TTC28: variants seen among roughly 807,000 people sequenced by gnomAD.
TTC28 encodes tetratricopeptide repeat protein 28.
Under a neutral mutation model 198.0 loss-of-function variants are expected in TTC28, and 61 were observed. The observed-to-expected ratio is 0.31, with a 90% CI of 0.25 to 0.38. TTC28 has a LOEUF of 0.38. Among genes scored for constraint, TTC28 ranks in the 10% least tolerant of loss-of-function variants. The probability of loss-of-function intolerance (pLI) is 1.00; values close to 1 mark genes in which losing one functional copy is unlikely to be tolerated. For missense variants in TTC28, 2,678 were observed against 3,164.0 expected, an observed-to-expected ratio of 0.85 and a Z score of 3.69; for synonymous variants, 1,171 against 1,297.8, an observed-to-expected ratio of 0.90 and a Z score of 2.10.
chr22:28,260,982 C>T (rs997425510), intron 5 of TTC28, among the ~76,000 whole-genome samples: 1 of 152,168 alleles, frequency 6.6e-6, no homozygotes, highest in Non-Finnish European at 1.5e-5. Flanking sequence ...CATAATAAGA[C>T]TCCAATTTTC....
At chr22:28,515,868 G>A (rs1420466484) in intron 2 of TTC28, among the ~76,000 whole-genome samples, 2 of 152,020 alleles carry the variant, frequency 1.3e-5, no homozygotes, top group African/African-American at 2.4e-5. Flanking sequence ...GAGTTCAGCC[G>A]GGTGCGGTAG....
At chr22:28,406,924 TA>T (rs1170261367) in intron 2 of TTC28, among the ~76,000 whole-genome samples, 1 of 152,234 alleles carries the variant, frequency 6.6e-6, no homozygotes, top group Non-Finnish European at 1.5e-5. Context: ...CAAAAAACTT[TA>T]CTGGACCAAT....
intron 2 of TTC28, among the ~76,000 whole-genome samples, chr22:28,404,439 A>T (rs2146112515): frequency 6.6e-6 from 1 of 152,250 alleles, no homozygotes; most frequent in East Asian, 1.9e-4. Flanking sequence ...TTTTTAAGAT[A>T]TACACACAAA....
intron 5 of TTC28, among the ~76,000 whole-genome samples, chr22:28,255,317 G>A (rs1199734125): frequency 6.6e-6 from 1 of 152,100 alleles, no homozygotes; most frequent in East Asian, 1.9e-4. Flanking sequence ...TGCCTTCTGG[G>A]CACCTAAGAT....
chr22:28,298,789 G>A (rs545504490), intron 3 of TTC28, among the ~76,000 whole-genome samples: 1 of 152,022 alleles, frequency 6.6e-6, no homozygotes, highest in Non-Finnish European at 1.5e-5. Context: ...AATAAACCCT[G>A]TCCATATTTT....
Position 27,990,154 on chromosome 22 carries a change from G to A in TTC28, c.5578-147C>T, listed in dbSNP as rs1030729575. 9 of 1,106,604 alleles carry A rather than the reference G, an allele frequency of 8.1e-6. No individual in the cohort carries two copies. The African/African-American group carries it at 1.4e-4, about 17-fold the overall frequency. 68.5% of individuals were successfully genotyped at this position (1,106,604 alleles called of 1,614,324 possible). A position where few individuals can be genotyped will look rare whatever the true frequency, so the allele number is the denominator to read the frequency against. On this transcript the variant is annotated intron_variant, in intron 20 of 22. Transcript: ENST00000397906. ...TAGCATTTGAGATTCTTTTTCAGGT[G>A]CATTCATACCTACTGTCCTGCTGTC...
intron 2 of TTC28, among the ~76,000 whole-genome samples, chr22:28,440,201 T>G (rs1012053447): frequency 2.0e-5 from 3 of 152,150 alleles, no homozygotes; most frequent in Admixed American, 2.0e-4. Context: ...TTGTGAATCT[T>G]GCTTTTTAGG....
chr22:28,422,684 A>G (rs1056996758), intron 2 of TTC28, among the ~76,000 whole-genome samples: 1 of 151,830 alleles, frequency 6.6e-6, no homozygotes, highest in African/African-American at 2.4e-5. Context: ...CGACCTCACG[A>G]TTCACCCACC....
At chr22:28,503,148 C>T (rs949179642) in intron 2 of TTC28, among the ~76,000 whole-genome samples, 1 of 152,056 alleles carries the variant, frequency 6.6e-6, no homozygotes, top group African/African-American at 2.4e-5. Flanking sequence ...AACAATATGC[C>T]TTTCCCCTCA....
chr22:28,047,592 G>A (rs1290246331), intron 12 of TTC28, among the ~76,000 whole-genome samples: 2 of 152,130 alleles, frequency 1.3e-5, no homozygotes, highest in South Asian at 2.1e-4. Flanking sequence ...CCCAAAGTTC[G>A]CAAAGCCATG....
At chr22:28,109,161 T>C (rs1277891199) in intron 6 of TTC28, among the ~76,000 whole-genome samples, 1 of 152,208 alleles carries the variant, frequency 6.6e-6, no homozygotes, top group African/African-American at 2.4e-5. Flanking sequence ...CAACCTTCAA[T>C]GTGGCACCAT....
chr22:28,125,500 C>T (rs1041689452), intron 6 of TTC28, among the ~76,000 whole-genome samples: 1 of 152,202 alleles, frequency 6.6e-6, no homozygotes, highest in Non-Finnish European at 1.5e-5. Context: ...CAATATGCAA[C>T]ACCCCCAGCC....
chr22:28,176,089 T>C (rs564273733), intron 5 of TTC28, among the ~76,000 whole-genome samples: 3 of 152,314 alleles, frequency 2.0e-5, no homozygotes, highest in Admixed American at 6.5e-5. Flanking sequence ...AAAATCAGTA[T>C]GTCAAGGAGA....
At chr22:28,388,713 G>A (rs2046660591) in intron 2 of TTC28, among the ~76,000 whole-genome samples, 1 of 152,172 alleles carries the variant, frequency 6.6e-6, no homozygotes, top group Non-Finnish European at 1.5e-5. Context: ...ATTTGCTCAA[G>A]TTGCTTATCA....
intron 6 of TTC28, among the ~76,000 whole-genome samples, chr22:28,145,012 G>A (rs548428812): frequency 5.3e-4 from 81 of 152,310 alleles, no homozygotes; most frequent in Admixed American, 1.1e-3. Flanking sequence ...AATAAGTTGA[G>A]CCCAAGGTCA....
intron 18 of TTC28, 160 bp from the exon 19 acceptor site, chr22:27,992,823 G>C: frequency 1.4e-6 from 1 of 707,620 alleles, no homozygotes; most frequent in Non-Finnish European, 2.3e-6. Flanking sequence ...CTTGGAAAAG[G>C]ACAGCGTGGT....
intron 14 of TTC28, among the ~76,000 whole-genome samples, chr22:28,012,321 C>G (rs976258708): frequency 6.6e-6 from 1 of 152,124 alleles, no homozygotes; most frequent in Non-Finnish European, 1.5e-5. Flanking sequence ...AAGGGAAGGA[C>G]AACCGAGCAC....
At chr22:28,610,178 G>T (rs183324727) in intron 2 of TTC28, among the ~76,000 whole-genome samples, 1 of 152,092 alleles carries the variant, frequency 6.6e-6, no homozygotes, top group Non-Finnish European at 1.5e-5. Context: ...AGACTTAAAC[G>T]TCCCTGCCTG....
chr22:28,338,682 A>G (rs180975010), intron 2 of TTC28, among the ~76,000 whole-genome samples: 168 of 152,236 alleles, frequency 1.1e-3, no homozygotes, highest in South Asian at 2.5e-3. Flanking sequence ...CGTGGTTTTC[A>G]GCTCCATCAG....
Sources: gnomAD v4.1 joint callset for allele counts (sites outside exome capture counted in the v4.1 genomes callset) on GRCh38, gnomAD v4.1.1 for gene constraint, MANE v1.5 for transcripts, NCBI Gene and HGNC (gene_info 2026-07-23, HGNC 2026-07-21) for gene names.